The following SPTLC2 variants were observed in gnomAD, a reference collection of about 807,000 sequenced individuals.
The protein encoded by SPTLC2 is serine palmitoyltransferase 2.
SPTLC2 carries 21 observed loss-of-function variants against 62.0 expected under a neutral mutation model. That is an observed-to-expected ratio of 0.34 (90% CI 0.24 to 0.49). SPTLC2 has a LOEUF of 0.49. Ranked by LOEUF, SPTLC2 falls within the 20% of genes least tolerant of loss-of-function variation. The probability of loss-of-function intolerance (pLI) is 0.99; values close to 1 mark genes in which losing one functional copy is unlikely to be tolerated. For missense variants in SPTLC2, 511 were observed against 713.0 expected (o/e 0.72, Z 3.23); for synonymous variants, 261 against 261.8 (o/e 1.00, Z 0.03).
intron 1 of SPTLC2, 120 bp from the exon 2 acceptor site, chr14:77,597,500 C>T (rs531068828): frequency 1.8e-5 from 17 of 924,168 alleles, no homozygotes; most frequent in African/African-American, 1.3e-4. Flanking sequence ...TTCCGCCGGG[C>T]GCACTGGCTC....
chr14:77,520,646 A>T (rs931778679), intron 10 of SPTLC2, among the ~76,000 whole-genome samples: 6 of 152,198 alleles, frequency 3.9e-5, no homozygotes, highest in African/African-American at 1.4e-4. Context: ...ATTACTGTTC[A>T]TTTGCTTTTC....
At chr14:77,602,959 C>T (rs909302966) in intron 1 of SPTLC2, among the ~76,000 whole-genome samples, 2 of 152,156 alleles carry the variant, frequency 1.3e-5, no homozygotes, top group African/African-American at 4.8e-5. Context: ...ATGTTGCCTT[C>T]TGTCTCTTAA....
intron 5 of SPTLC2, among the ~76,000 whole-genome samples, chr14:77,566,706 C>T (rs986843305): frequency 4.6e-5 from 7 of 152,096 alleles, no homozygotes; most frequent in Non-Finnish European, 8.8e-5. Context: ...GTGTTCCACC[C>T]GCCTCGGCCT....
chr14:77,513,012 G>T (rs2079340346), intron 11 of SPTLC2, among the ~76,000 whole-genome samples: 3 of 89,132 alleles, frequency 3.4e-5, no homozygotes, highest in Non-Finnish European at 7.2e-5. Flanking sequence ...AACGAACCCA[G>T]CAACTTTTTT....
intron 7 of SPTLC2, among the ~76,000 whole-genome samples, chr14:77,556,644 T>G (rs10438172): frequency 0.96 from 146,242 of 152,254 alleles, 70,530 homozygotes; most frequent in East Asian, 1. Context: ...CTCCCACTTT[T>G]GCCTCCCAAA....
chr14:77,556,051 G>A (rs7160438), intron 7 of SPTLC2, among the ~76,000 whole-genome samples: 10,711 of 152,158 alleles, frequency 0.07, 409 homozygotes, highest in African/African-American at 0.077. Flanking sequence ...GGCTGGGCGC[G>A]GTGGCTCACA....
intron 6 of SPTLC2, among the ~76,000 whole-genome samples, chr14:77,558,772 C>T (rs889483510): frequency 6.6e-6 from 1 of 151,960 alleles, no homozygotes; most frequent in African/African-American, 2.4e-5. Context: ...CAGGTGCATG[C>T]CACCACATCC....
At chr14:77,599,982 C>T (rs950371453) in intron 1 of SPTLC2, among the ~76,000 whole-genome samples, 3 of 152,150 alleles carry the variant, frequency 2.0e-5, no homozygotes, top group Non-Finnish European at 4.4e-5. Flanking sequence ...AAACTATTTA[C>T]TCTCAACTGT....
chr14:77,551,915 C>T (rs922519231), intron 9 of SPTLC2, among the ~76,000 whole-genome samples, 181 bp downstream of exon 9: 1 of 152,110 alleles, frequency 6.6e-6, no homozygotes, highest in Non-Finnish European at 1.5e-5. Flanking sequence ...GAAAGTGAGC[C>T]AGGGTCGTTC....
At chr14:77,527,329 C>T (rs1268908796) in intron 9 of SPTLC2, among the ~76,000 whole-genome samples, 2 of 152,036 alleles carry the variant, frequency 1.3e-5, no homozygotes, top group African/African-American at 4.8e-5. Context: ...AACTCCTGAC[C>T]CTCAACTGAT....
intron 5 of SPTLC2, among the ~76,000 whole-genome samples, 154 bp downstream of exon 5, chr14:77,570,222 CAAAAAAAA>C (rs35086251): frequency 2.7e-5 from 3 of 111,404 alleles, no homozygotes; most frequent in East Asian, 2.8e-4. Flanking sequence ...GACTCCATCT[CAAAAAAAA>C]AAAAAAAAAA....
In SPTLC2 at chr14:77,525,521, T is replaced by C. The variant is rs375015795; in HGVS notation, c.1304-3940A>G. ...AGGAGAATTGCTTGAACCTGGGAGGTAGAGGTTGCCGTGAGCGAGACTGCG... is the reference window on the plus strand; with the variant it reads ...AGGAGAATTGCTTGAACCTGGGAGGCAGAGGTTGCCGTGAGCGAGACTGCG... On this transcript the variant is annotated intron_variant, in intron 9 of 11. Coordinates refer to ENST00000216484, the MANE Select transcript of SPTLC2 (RefSeq NM_004863.4). Among the ~76,000 whole-genome samples the C allele has an allele frequency of 3.6e-4, 51 of 142,318 alleles. 1 individual carries two copies. The East Asian group carries it at 7.2e-3, about 20-fold the overall frequency. The allele number at this position is 142,318 out of a possible 152,430, so 93.4% of individuals were successfully genotyped here.
intron 9 of SPTLC2, among the ~76,000 whole-genome samples, chr14:77,532,662 T>C (rs1375303981): frequency 3.9e-5 from 6 of 151,950 alleles, no homozygotes; most frequent in African/African-American, 1.2e-4. Context: ...CAGGCGCCTG[T>C]AGTCCCAGCT....
At chr14:77,538,759 T>TG (rs2079483963) in intron 9 of SPTLC2, among the ~76,000 whole-genome samples, 1 of 152,034 alleles carries the variant, frequency 6.6e-6, no homozygotes, top group Non-Finnish European at 1.5e-5. Flanking sequence ...TTAGTAGAGA[T>TG]GGGGTTTCGC....
chr14:77,578,891 T>G, intron 3 of SPTLC2, 64 bp downstream of exon 3: 1 of 1,559,896 alleles, frequency 6.4e-7, no homozygotes, highest in Admixed American at 1.7e-5. Flanking sequence ...TATAATAACA[T>G]ATTTTCTCAA....
chr14:77,550,929 AAAGAAAG>A (rs2079552438), intron 9 of SPTLC2, among the ~76,000 whole-genome samples: 1 of 150,986 alleles, frequency 6.6e-6, no homozygotes, highest in Non-Finnish European at 1.5e-5. Flanking sequence ...AAAAAAAAAA[AAAGAAAG>A]AAAGAAAACA....
intron 9 of SPTLC2, among the ~76,000 whole-genome samples, chr14:77,546,126 A>G (rs1323533702): frequency 6.6e-6 from 1 of 152,258 alleles, no homozygotes; most frequent in Non-Finnish European, 1.5e-5. Context: ...GCTAACTATC[A>G]TCATGCAACC....
intron 5 of SPTLC2, among the ~76,000 whole-genome samples, chr14:77,567,700 G>A (rs2079653090): frequency 6.6e-6 from 1 of 151,728 alleles, no homozygotes. Flanking sequence ...AATCAGCTTT[G>A]GTTTCACTAA....
At chr14:77,534,965 T>C (rs1195910898) in intron 9 of SPTLC2, among the ~76,000 whole-genome samples, 2 of 152,112 alleles carry the variant, frequency 1.3e-5, no homozygotes, top group Non-Finnish European at 2.9e-5. Flanking sequence ...TTCGCTCTTG[T>C]TGCCCAGGCG....
Sources: allele counts gnomAD v4.1 joint callset (sites outside exome capture counted in the v4.1 genomes callset), GRCh38; gene constraint gnomAD v4.1.1; transcripts MANE v1.5; gene names NCBI Gene and HGNC (gene_info 2026-07-23, HGNC 2026-07-21).